The following RB1 variants were observed in gnomAD, a reference collection of about 807,000 sequenced individuals.
RB1 encodes retinoblastoma-associated protein.
In RB1, 18 loss-of-function variants were observed where a neutral mutation model predicts 135.4. The ratio of observed to expected loss-of-function variants is 0.13; its 90% CI spans 0.09 to 0.20. RB1 has a LOEUF of 0.20. RB1 is among the 10% of genes least tolerant of loss of function. The probability of loss-of-function intolerance (pLI) is 1.00; values close to 1 mark genes in which losing one functional copy is unlikely to be tolerated. For synonymous variants in RB1, 365 were observed against 373.2 expected (o/e 0.98, Z 0.25); for missense variants, 868 against 1,110.0 (o/e 0.78, Z 3.10).
chr13:48,319,450 C>G lies in RB1; in HGVS notation c.264+12044C>G, dbSNP rs571262672. 2.9e-6 allele frequency: 1 copy of G among 346,456 alleles called. No individual in the cohort carries two copies. Among genetic ancestry groups the G allele is most frequent in the East Asian group, 7.2e-5 (1 of 13,970 alleles). 21.5% of individuals were successfully genotyped at this position (346,456 alleles called of 1,614,324 possible). On this transcript the variant is annotated intron_variant, in intron 2 of 26. Coordinates refer to ENST00000267163, the MANE Select transcript of RB1 (RefSeq NM_000321.3). This position sits in a 1 kb window ranked among gnomAD's most constrained non-coding sequence, Gnocchi z 5.0. Reference sequence around the variant, plus strand: ...TGCGCCGCACTTGTGACTTGCTTTCCCCTTCTCAGGGCGCCAGCGCTCCTC... The same window carrying G: ...TGCGCCGCACTTGTGACTTGCTTTCGCCTTCTCAGGGCGCCAGCGCTCCTC...
intron 17 of RB1, among the ~76,000 whole-genome samples, chr13:48,385,832 T>C (rs1217269397): frequency 2.0e-5 from 3 of 152,284 alleles, no homozygotes; most frequent in Non-Finnish European, 2.9e-5. Context: ...CTTCACAATG[T>C]AACATTTATG....
At position 48,304,239 on chromosome 13, in the gene RB1, C is replaced by T. The variant is rs539203988; in HGVS notation, c.137+190C>T. On this transcript the variant is annotated intron_variant, in intron 1 of 26. Transcript: ENST00000267163. Reference sequence around the variant, plus strand: ...GGTGACAGGATTCTGGGTTCTTGGGCGAGGGGTCTCGGCTTCAACTTGACA... The same window carrying T: ...GGTGACAGGATTCTGGGTTCTTGGGTGAGGGGTCTCGGCTTCAACTTGACA... Among the ~76,000 whole-genome samples, 390 of 151,928 alleles carry T rather than the reference C, an allele frequency of 2.6e-3. 1 individual carries two copies. Among genetic ancestry groups the T allele is most frequent in the African/African-American group, 9.0e-3 (371 of 41,438 alleles).
chr13:48,464,707 A>G (rs1049427389), intron 21 of RB1, among the ~76,000 whole-genome samples: 1 of 152,042 alleles, frequency 6.6e-6, no homozygotes, highest in Admixed American at 6.6e-5. Flanking sequence ...CTCTCTTCCC[A>G]GTCTATATAC....
intron 25 of RB1, 90 bp from the exon 26 acceptor site, chr13:48,477,265 G>T (rs570961144): frequency 1.1e-6 from 1 of 889,748 alleles, no homozygotes; most frequent in South Asian, 1.5e-5. Flanking sequence ...ATAGCATAAA[G>T]TAAGTCATCG....
chr13:48,473,385 T>C lies in RB1; in HGVS notation c.2515T>C (p.Phe839Leu). The C allele has an allele frequency of 6.4e-7, 1 of 1,565,832 alleles. No homozygotes were observed. Among genetic ancestry groups the C allele is most frequent in the Non-Finnish European group, 8.8e-7 (1 of 1,137,630 alleles). Residue 839 changes from phenylalanine to leucine, a missense_variant, in exon 24 of 27, where the codon TTC becomes CTC. Physicochemically the swap from Phe to Leu is conservative, Grantham distance 22 (BLOSUM62 0). Around this residue, in one of 3 missense-constraint regions of RB1, gnomAD observed 196 missense variants for 239.8 expected, o/e 0.82. Transcript: ENST00000267163. ...SRILVSIGES[F>L]GTSEKFQKIN... is the part of the protein sequence containing the mutation. ...AATCTTAGTATCAATTGGTGAATCA[T>C]TCGGGGTGAGTATTTTCTTTCTATG...
At chr13:48,310,402 A>G (rs974504608) in intron 2 of RB1, among the ~76,000 whole-genome samples, 7 of 152,178 alleles carry the variant, frequency 4.6e-5, no homozygotes, top group Non-Finnish European at 1.0e-4. Flanking sequence ...AAGGATTAAG[A>G]GTCAAACAGA....
intron 17 of RB1, among the ~76,000 whole-genome samples, chr13:48,425,451 GT>G (rs1949066167): frequency 6.6e-6 from 1 of 152,216 alleles, no homozygotes; most frequent in South Asian, 2.1e-4. Context: ...TAAAACCTTA[GT>G]TGGGTAAGGC....
chr13:48,436,934 A>G (rs1949190559), intron 17 of RB1, among the ~76,000 whole-genome samples: 1 of 152,150 alleles, frequency 6.6e-6, no homozygotes, highest in Non-Finnish European at 1.5e-5. Context: ...TCTATTGTTA[A>G]TTTTTCTACT....
intron 17 of RB1, among the ~76,000 whole-genome samples, chr13:48,406,201 ATG>A (rs146588176): frequency 0.011 from 1,604 of 151,970 alleles, 27 homozygotes; most frequent in African/African-American, 0.037. Flanking sequence ...CAAAGGGTTA[ATG>A]TGTGTGTGTA....
intron 8 of RB1, among the ~76,000 whole-genome samples, chr13:48,363,884 T>G (rs1332371681): frequency 6.6e-6 from 1 of 152,218 alleles, no homozygotes; most frequent in East Asian, 1.9e-4. Context: ...TCTGGTACTA[T>G]TGCTTCTTTC....
chr13:48,435,972 G>T (rs1446122304), intron 17 of RB1, among the ~76,000 whole-genome samples: 1 of 152,098 alleles, frequency 6.6e-6, no homozygotes, highest in Non-Finnish European at 1.5e-5. Flanking sequence ...TATCAGAGTG[G>T]ATGAAAAACA....
intron 17 of RB1, among the ~76,000 whole-genome samples, chr13:48,391,249 C>G (rs1948608231): frequency 6.6e-6 from 1 of 152,176 alleles, no homozygotes; most frequent in Non-Finnish European, 1.5e-5. Flanking sequence ...TTTCCCTTTT[C>G]CAACCTTTGG....
intron 4 of RB1, among the ~76,000 whole-genome samples, chr13:48,346,647 A>G (rs1415141721): frequency 1.3e-5 from 2 of 152,032 alleles, no homozygotes; most frequent in African/African-American, 4.8e-5. Flanking sequence ...ATAAAATGTT[A>G]TAAATATAAA....
intron 17 of RB1, among the ~76,000 whole-genome samples, chr13:48,449,834 A>G (rs1949315109): frequency 6.6e-6 from 1 of 152,140 alleles, no homozygotes. Context: ...TTCATTTGGC[A>G]TCTTTAACCA....
At chr13:48,411,489 C>T (rs374589872) in intron 17 of RB1, 2 of 1,612,234 alleles carry the variant, frequency 1.2e-6, no homozygotes, top group Non-Finnish European at 1.7e-6. Flanking sequence ...TCTGAAGTCA[C>T]TTCTCCTGAC....
At chr13:48,365,597 A>G (rs760215215) in intron 9 of RB1, among the ~76,000 whole-genome samples, 1 of 152,208 alleles carries the variant, frequency 6.6e-6, no homozygotes, top group African/African-American at 2.4e-5. Context: ...GTGATAGATG[A>G]TGAAGAACAA....
At chr13:48,382,524 C>T (rs1027743557) in intron 17 of RB1, among the ~76,000 whole-genome samples, 1 of 152,134 alleles carries the variant, frequency 6.6e-6, no homozygotes, top group Non-Finnish European at 1.5e-5. Flanking sequence ...TCATATCTTT[C>T]ACCCACTTTT....
chr13:48,395,179 C>T (rs1229579523), intron 17 of RB1, among the ~76,000 whole-genome samples: 2 of 152,178 alleles, frequency 1.3e-5, no homozygotes, highest in Non-Finnish European at 2.9e-5. Flanking sequence ...GGAGAACTAA[C>T]AAACAGAAAT....
At chr13:48,416,991 G>T (rs1307705621) in intron 17 of RB1, among the ~76,000 whole-genome samples, 2 of 152,198 alleles carry the variant, frequency 1.3e-5, no homozygotes, top group Non-Finnish European at 2.9e-5. Context: ...GGTGGCTATT[G>T]GTGCAGCTTC....
Sources: allele counts gnomAD v4.1 joint callset (sites outside exome capture counted in the v4.1 genomes callset), GRCh38; gene constraint gnomAD v4.1.1; regional missense constraint gnomAD v4.1.1; non-coding constraint Gnocchi (gnomAD v3.1); transcripts MANE v1.5; gene names NCBI Gene and HGNC (gene_info 2026-07-23, HGNC 2026-07-21).